Variants in ADGRB3 observed in about 807,000 individuals in gnomAD.
ADGRB3 encodes brain-specific angiogenesis inhibitor 3.
Under a neutral mutation model 193.4 loss-of-function variants are expected in ADGRB3, and 37 were observed. The ratio of observed to expected loss-of-function variants is 0.19; its 90% CI spans 0.15 to 0.25. The LOEUF (loss-of-function observed/expected upper bound fraction) is 0.25, where lower values mean the gene tolerates loss of function less well. Ranked by LOEUF, ADGRB3 falls within the 10% of genes least tolerant of loss-of-function variation. The probability of loss-of-function intolerance (pLI) is 1.00; values close to 1 mark genes in which losing one functional copy is unlikely to be tolerated. For missense variants in ADGRB3, 1,637 were observed against 1,852.9 expected, an observed-to-expected ratio of 0.88 and a Z score of 2.14; for synonymous variants, 690 against 644.2, an observed-to-expected ratio of 1.07 and a Z score of -1.08.
intron 17 of ADGRB3, chr6:69,232,337 T>TC (rs1296071317): frequency 1.8e-5 from 21 of 1,193,406 alleles, no homozygotes; most frequent in East Asian, 8.8e-5. Flanking sequence ...TTCTCCCCCA[T>TC]CCCCCCCACC....
At chr6:68,911,157 T>A (rs1348893229) in intron 3 of ADGRB3, among the ~76,000 whole-genome samples, 1 of 150,902 alleles carries the variant, frequency 6.6e-6, no homozygotes. Context: ...CTCAGCAAAC[T>A]ATAGCAAGGA....
intron 15 of ADGRB3, among the ~76,000 whole-genome samples, chr6:69,051,675 C>A (rs1157263288): frequency 2.6e-5 from 4 of 152,118 alleles, no homozygotes; most frequent in Non-Finnish European, 5.9e-5. Flanking sequence ...AAACATTCTT[C>A]CAGAAAGTCT....
chr6:68,681,117 TG>T (rs1764886500), intron 3 of ADGRB3, among the ~76,000 whole-genome samples: 1 of 151,858 alleles, frequency 6.6e-6, no homozygotes, highest in African/African-American at 2.4e-5. Flanking sequence ...AGCAAAGAGG[TG>T]TGTCACCTTT....
chr6:69,348,493 CAAA>C (rs5877205), intron 26 of ADGRB3, among the ~76,000 whole-genome samples: 19 of 114,854 alleles, frequency 1.7e-4, no homozygotes, highest in African/African-American at 5.4e-4. Context: ...CTAAAAAATG[CAAA>C]AAAAAAAAAA....
Position 68,746,146 on chromosome 6 carries a change from T to C in ADGRB3, c.757+106714T>C, listed in dbSNP as rs1766079461. Among the ~76,000 whole-genome samples, 4 of 152,190 alleles carry C rather than the reference T, an allele frequency of 2.6e-5. No individual in the cohort carries two copies. In the South Asian group the frequency reaches 8.3e-4, roughly 32 times the overall value. ...CCATAGAGCTTGAAAATATCCTTTC[T>C]GGTATACTCTTGCCAACGTTGCCTA... On this transcript the variant is annotated intron_variant, in intron 3 of 31. Transcript: ENST00000370598.
At chr6:69,197,388 C>T (rs1323325795) in intron 17 of ADGRB3, among the ~76,000 whole-genome samples, 1 of 150,758 alleles carries the variant, frequency 6.6e-6, no homozygotes, top group Non-Finnish European at 1.5e-5. Flanking sequence ...ATATTTAAAG[C>T]AAAGTGTGCT....
intron 16 of ADGRB3, among the ~76,000 whole-genome samples, chr6:69,074,001 A>G (rs1251605142): frequency 6.6e-6 from 1 of 152,166 alleles, no homozygotes; most frequent in Non-Finnish European, 1.5e-5. Flanking sequence ...GTGACCACCA[A>G]AGTCTATTAT....
At chr6:68,665,000 A>G (rs1396776756) in intron 3 of ADGRB3, among the ~76,000 whole-genome samples, 1 of 151,682 alleles carries the variant, frequency 6.6e-6, no homozygotes, top group Non-Finnish European at 1.5e-5. Flanking sequence ...TGTGTATGTA[A>G]TTGGATTCGA....
intron 6 of ADGRB3, among the ~76,000 whole-genome samples, chr6:68,951,229 T>C (rs1452363843): frequency 1.3e-5 from 2 of 152,170 alleles, no homozygotes; most frequent in Non-Finnish European, 2.9e-5. Context: ...CCCCATAACA[T>C]TTCTGGAAAC....
At position 69,389,020 on chromosome 6, in the gene ADGRB3, T is replaced by C; in HGVS notation, c.*129T>C. 1 of 939,248 alleles carries C rather than the reference T, an allele frequency of 1.1e-6. No individual in the cohort carries two copies. The highest frequency in any genetic ancestry group is 1.8e-5 in the South Asian group (1 of 56,628). 58.2% of individuals were successfully genotyped at this position (939,248 alleles called of 1,614,324 possible). A position where few individuals can be genotyped will look rare whatever the true frequency, so the allele number is the denominator to read the frequency against. On this transcript the variant is annotated 3_prime_UTR_variant, in exon 32 of 32. Coordinates refer to ENST00000370598, the MANE Select transcript of ADGRB3 (RefSeq NM_001704.3). ...AGGACCTTCATGTGCCAAACGTCAG[T>C]GGTGTTTTCATATGGTAACTTCTCA...
intron 20 of ADGRB3, among the ~76,000 whole-genome samples, chr6:69,299,397 C>A (rs1430593167): frequency 6.6e-6 from 1 of 151,774 alleles, no homozygotes; most frequent in Non-Finnish European, 1.5e-5. Context: ...TTTAGAGAAG[C>A]TTTTTAGCTT....
chr6:68,676,701 T>A (rs1769100457), intron 3 of ADGRB3, among the ~76,000 whole-genome samples: 1 of 152,172 alleles, frequency 6.6e-6, no homozygotes, highest in Non-Finnish European at 1.5e-5. Flanking sequence ...ATATTTTATG[T>A]CCTTCATAGC....
At chr6:68,747,042 G>C (rs954231008) in intron 3 of ADGRB3, among the ~76,000 whole-genome samples, 1 of 152,042 alleles carries the variant, frequency 6.6e-6, no homozygotes, top group Admixed American at 6.6e-5. Flanking sequence ...ATTAAGGTGA[G>C]GATGATAAGA....
rs188994286 is a variant in ADGRB3 at position 68,751,720 on chromosome 6, C to A, written c.757+112288C>A. Among the ~76,000 whole-genome samples, 137 of 152,242 alleles carry A rather than the reference C, an allele frequency of 9.0e-4. 1 individual carries two copies. The highest frequency in any genetic ancestry group is 3.1e-3 in the African/African-American group (127 of 41,558). On this transcript the variant is annotated intron_variant, in intron 3 of 31. Coordinates refer to ENST00000370598, the MANE Select transcript of ADGRB3 (RefSeq NM_001704.3). Reference sequence around the variant, plus strand: ...CACACCCTCATCTATTTGTAGCCATCATAATTGTCAAAATTGGAATCCATT... The same window carrying A: ...CACACCCTCATCTATTTGTAGCCATAATAATTGTCAAAATTGGAATCCATT...
chr6:68,661,882 C>T (rs1768671125), intron 3 of ADGRB3, among the ~76,000 whole-genome samples: 1 of 150,772 alleles, frequency 6.6e-6, no homozygotes, highest in South Asian at 2.1e-4. Context: ...CTGCAGTAAT[C>T]CAAAAATAAA....
intron 11 of ADGRB3, among the ~76,000 whole-genome samples, chr6:69,005,135 G>T (rs1188089096): frequency 6.6e-6 from 1 of 152,024 alleles, no homozygotes; most frequent in East Asian, 1.9e-4. Flanking sequence ...CTCCCAGGCT[G>T]TCTCTGGGGA....
At chr6:69,329,786 C>A (rs1768673404) in intron 22 of ADGRB3, among the ~76,000 whole-genome samples, 1 of 152,196 alleles carries the variant, frequency 6.6e-6, no homozygotes, top group African/African-American at 2.4e-5. Context: ...TGCAAAGCAT[C>A]CAGTGTCAGC....
chr6:68,677,966 G>T (rs1477692092), intron 3 of ADGRB3, among the ~76,000 whole-genome samples: 10 of 150,358 alleles, frequency 6.7e-5, no homozygotes, highest in African/African-American at 2.5e-4. Flanking sequence ...TTTTTAATTT[G>T]ATGAGATATC....
At chr6:68,790,734 G>T (rs55915457) in intron 3 of ADGRB3, among the ~76,000 whole-genome samples, 4,005 of 152,234 alleles carry the variant, frequency 0.026, 80 homozygotes, top group African/African-American at 0.051. Flanking sequence ...GATCCTGTCT[G>T]TTAGAAGGAA....
Sources: allele counts gnomAD v4.1 joint callset (sites outside exome capture counted in the v4.1 genomes callset), GRCh38; gene constraint gnomAD v4.1.1; transcripts MANE v1.5; gene names NCBI Gene and HGNC (gene_info 2026-07-23, HGNC 2026-07-21).